The following RBFOX1 variants were observed in gnomAD, a reference collection of about 807,000 sequenced individuals.
RBFOX1 encodes the protein RNA binding fox-1 homolog 1, also known as RNA binding protein fox-1 homolog 1.
A neutral mutation model predicts 57.7 loss-of-function variants in RBFOX1; 8 were observed. The ratio of observed to expected loss-of-function variants is 0.14; its 90% CI spans 0.08 to 0.25. The LOEUF is 0.25. Among genes scored for constraint, RBFOX1 ranks in the 10% least tolerant of loss-of-function variants. RBFOX1 has a pLI of 1.00. For missense variants in RBFOX1, 611 were observed against 548.5 expected (o/e 1.11, Z -1.14); for synonymous variants, 326 against 222.4 (o/e 1.47, Z -4.15).
chr16:5,837,603 C>A (rs919007093), intron 3 of RBFOX1, among the ~76,000 whole-genome samples: 3 of 132,762 alleles, frequency 2.3e-5, no homozygotes, highest in Non-Finnish European at 5.0e-5. Flanking sequence ...ATGCCAGCCC[C>A]CTCTTTTTTT....
chr16:6,849,788 C>A (rs2093968567), intron 3 of RBFOX1, among the ~76,000 whole-genome samples: 1 of 152,194 alleles, frequency 6.6e-6, no homozygotes, highest in Admixed American at 6.5e-5. Flanking sequence ...CTCCAAGAAG[C>A]CACCTTGATT....
intron 14 of RBFOX1, among the ~76,000 whole-genome samples, chr16:7,704,828 A>G (rs1400302575): frequency 6.6e-6 from 1 of 152,100 alleles, no homozygotes; most frequent in East Asian, 1.9e-4. Context: ...AGGCAGGCAG[A>G]TCACTTGAGG....
intron 1 of RBFOX1, among the ~76,000 whole-genome samples, chr16:5,408,392 G>A (rs1211209605): frequency 6.6e-6 from 1 of 152,164 alleles, no homozygotes; most frequent in Non-Finnish European, 1.5e-5. Context: ...CAGGCTGGGG[G>A]CAGCATGGGA....
intron 1 of RBFOX1, among the ~76,000 whole-genome samples, chr16:5,459,585 C>T (rs939160841): frequency 6.6e-6 from 1 of 152,146 alleles, no homozygotes; most frequent in Non-Finnish European, 1.5e-5. Flanking sequence ...AACACTTTCT[C>T]ACGATCCCCC....
intron 3 of RBFOX1, among the ~76,000 whole-genome samples, chr16:6,666,789 C>G (rs1462723330): frequency 6.6e-6 from 1 of 152,108 alleles, no homozygotes; most frequent in Non-Finnish European, 1.5e-5. Context: ...CAGGAAAAAC[C>G]TTGGCCACTG....
At chr16:7,010,123 G>C (rs1302257163) in intron 3 of RBFOX1, among the ~76,000 whole-genome samples, 6 of 152,190 alleles carry the variant, frequency 3.9e-5, no homozygotes, top group Non-Finnish European at 8.8e-5. Context: ...TCTATTCTTT[G>C]CTGCAAAGCA....
At chr16:7,480,515 G>A (rs1012668844) in intron 4 of RBFOX1, among the ~76,000 whole-genome samples, 38 of 151,856 alleles carry the variant, frequency 2.5e-4, no homozygotes, top group African/African-American at 6.0e-4. Context: ...CACCGGCTCC[G>A]TTTAAAAAAA....
intron 1 of RBFOX1, among the ~76,000 whole-genome samples, chr16:6,085,702 G>T (rs576283292): frequency 6.6e-6 from 1 of 152,092 alleles, no homozygotes; most frequent in African/African-American, 2.4e-5. Context: ...GCACATGCAC[G>T]TAAGGGGATG....
chr16:7,012,200 C>G (rs1024794965), intron 3 of RBFOX1, among the ~76,000 whole-genome samples: 1 of 152,256 alleles, frequency 6.6e-6, no homozygotes, highest in South Asian at 2.1e-4. Context: ...GGAGCTCTTG[C>G]GGGTGTTTTT....
intron 1 of RBFOX1, among the ~76,000 whole-genome samples, chr16:6,161,109 C>G (rs568634883): frequency 1.3e-5 from 2 of 152,140 alleles, no homozygotes; most frequent in African/African-American, 4.8e-5. Context: ...TGATCACTGG[C>G]TGGGCACAGT....
chr16:5,845,126 A>G (rs1472928770), intron 3 of RBFOX1, among the ~76,000 whole-genome samples: 5 of 151,038 alleles, frequency 3.3e-5, no homozygotes, highest in African/African-American at 1.2e-4. Flanking sequence ...CTGTATTCCC[A>G]AATCCCTTAA....
rs775142179 is a variant in RBFOX1 at position 5,983,156 on chromosome 16, C to A, written c.351+115821C>A. On this transcript the variant is annotated intron_variant, in intron 4 of 19. Coordinates refer to the RBFOX1 transcript ENST00000641259. ...CATTCTCCCAGCTCTGCGTCCCTGCCCCCCATTACCCCAGATGCCTCCTGT... is the reference window on the plus strand; with the variant it reads ...CATTCTCCCAGCTCTGCGTCCCTGCACCCCATTACCCCAGATGCCTCCTGT... Among the ~76,000 whole-genome samples, 4 of 152,266 alleles carry A rather than the reference C, an allele frequency of 2.6e-5. No homozygotes were observed. The South Asian group carries it at 6.2e-4, about 24-fold the overall frequency.
At chr16:7,494,416 G>A (rs2067921393) in intron 4 of RBFOX1, among the ~76,000 whole-genome samples, 1 of 152,094 alleles carries the variant, frequency 6.6e-6, no homozygotes, top group Non-Finnish European at 1.5e-5. Flanking sequence ...CTCCTTCTCT[G>A]CTCCCTCAAC....
chr16:5,969,889 G>T (rs1461911162), intron 4 of RBFOX1, among the ~76,000 whole-genome samples: 1 of 151,992 alleles, frequency 6.6e-6, no homozygotes, highest in Non-Finnish European at 1.5e-5. Context: ...GGTTAGTTGA[G>T]TTTGGGAGTT....
intron 3 of RBFOX1, among the ~76,000 whole-genome samples, chr16:6,847,835 C>A (rs888395983): frequency 1.3e-5 from 2 of 151,900 alleles, no homozygotes; most frequent in South Asian, 2.1e-4. Flanking sequence ...CCAAGACTTC[C>A]TTTTGGTGGT....
chr16:6,126,292 C>T (rs921362599), intron 1 of RBFOX1, among the ~76,000 whole-genome samples: 1 of 152,184 alleles, frequency 6.6e-6, no homozygotes, highest in Non-Finnish European at 1.5e-5. Context: ...CTTCGCAGGC[C>T]GTTGGTGTTA....
intron 2 of RBFOX1, among the ~76,000 whole-genome samples, chr16:6,339,546 C>G (rs560679727): frequency 5.5e-4 from 83 of 152,170 alleles, no homozygotes; most frequent in Non-Finnish European, 9.1e-4. Flanking sequence ...AAACAGTATT[C>G]TCATACTGAT....
At chr16:7,146,915 C>A (rs1475532841) in intron 4 of RBFOX1, among the ~76,000 whole-genome samples, 1 of 144,176 alleles carries the variant, frequency 6.9e-6, no homozygotes, top group Non-Finnish European at 1.5e-5. Flanking sequence ...CGCCATTATA[C>A]TCCAGTCTGG....
chr16:6,297,578 G>C (rs1268465201), intron 1 of RBFOX1, among the ~76,000 whole-genome samples: 2 of 152,126 alleles, frequency 1.3e-5, no homozygotes, highest in African/African-American at 4.8e-5. Flanking sequence ...GGGTAGAAGA[G>C]GGCAGTTCCT....
Sources: allele counts gnomAD v4.1 joint callset (sites outside exome capture counted in the v4.1 genomes callset), GRCh38; gene constraint gnomAD v4.1.1; transcripts MANE v1.5; gene names NCBI Gene and HGNC (gene_info 2026-07-23, HGNC 2026-07-21).